The following ST3GAL3 variants were observed in gnomAD, a reference collection of about 807,000 sequenced individuals.
ST3GAL3 encodes the protein ST3 beta-galactoside alpha-2,3-sialyltransferase 3.
Under a neutral mutation model 50.1 loss-of-function variants are expected in ST3GAL3, and 21 were observed. That is an observed-to-expected ratio of 0.42 (90% CI 0.30 to 0.60). ST3GAL3 has a LOEUF of 0.60. ST3GAL3 is among the 20% of genes least tolerant of loss of function. The probability of loss-of-function intolerance (pLI) is 0.19; values close to 1 mark genes in which losing one functional copy is unlikely to be tolerated. For missense variants in ST3GAL3, 353 were observed against 489.4 expected, an observed-to-expected ratio of 0.72 and a Z score of 2.63; for synonymous variants, 183 against 190.0, an observed-to-expected ratio of 0.96 and a Z score of 0.30.
intron 11 of ST3GAL3, among the ~76,000 whole-genome samples, chr1:43,926,234 C>T (rs897472692): frequency 3.3e-5 from 5 of 152,160 alleles, no homozygotes; most frequent in Admixed American, 6.5e-5. Context: ...GTGAGAAGCG[C>T]GGCTCATCCT....
intron 4 of ST3GAL3, among the ~76,000 whole-genome samples, chr1:43,835,129 T>A (rs2064122596): frequency 1.3e-5 from 2 of 152,084 alleles, no homozygotes; most frequent in Non-Finnish European, 2.9e-5. Flanking sequence ...ATGCTAAATC[T>A]CCCAAAATGA....
At chr1:43,711,535 A>G (rs1664766555) in intron 1 of ST3GAL3, among the ~76,000 whole-genome samples, 1 of 152,246 alleles carries the variant, frequency 6.6e-6, no homozygotes, top group East Asian at 1.9e-4. Context: ...GGGGTATCAC[A>G]GCCCATTGAA....
chr1:43,789,507 T>G (rs1191620833), intron 2 of ST3GAL3, among the ~76,000 whole-genome samples: 1 of 152,138 alleles, frequency 6.6e-6, no homozygotes, highest in Non-Finnish European at 1.5e-5. Flanking sequence ...AATAAAGCTG[T>G]TTTTAAAAGC....
chr1:43,743,752 T>G (rs1682147362), intron 2 of ST3GAL3: 2 of 222,072 alleles, frequency 9.0e-6, no homozygotes, highest in Non-Finnish European at 1.8e-5. Context: ...ACTCCATTCT[T>G]ACAGAGCAAC....
chr1:43,729,247 G>A (rs948846706), intron 1 of ST3GAL3, among the ~76,000 whole-genome samples: 1 of 151,810 alleles, frequency 6.6e-6, no homozygotes, highest in Non-Finnish European at 1.5e-5. Context: ...CCACTACCAC[G>A]CCCAGCTATC....
In ST3GAL3 at chr1:43,899,457, C is replaced by A; in HGVS notation, c.558-84C>A. The A allele has an allele frequency of 6.3e-7, 1 of 1,593,306 alleles. No homozygotes were observed. Among genetic ancestry groups the A allele is most frequent in the East Asian group, 2.2e-5 (1 of 44,600 alleles). On this transcript the variant is annotated intron_variant, in intron 8 of 11. Transcript: ENST00000347631. The surrounding 1 kb of genome is among the most constrained non-coding windows in gnomAD (Gnocchi z 5.4). ...AATAGGTCCAGGTGACCTGGACTCC[C>A]TATTCTCCATGCCTGGGATAGTCTG...
At chr1:43,908,522 C>T (rs929769009) in intron 9 of ST3GAL3, among the ~76,000 whole-genome samples, 7 of 152,168 alleles carry the variant, frequency 4.6e-5, no homozygotes, top group Admixed American at 3.3e-4. Context: ...GGATGATTTG[C>T]GCAGGCTCAA....
chr1:43,722,680 T>G (rs1244908075), intron 1 of ST3GAL3, among the ~76,000 whole-genome samples: 1 of 152,112 alleles, frequency 6.6e-6, no homozygotes, highest in Non-Finnish European at 1.5e-5. Context: ...ACTTGATTGA[T>G]TATGTGTGCA....
At chr1:43,887,474 A>C (rs1034614407) in intron 5 of ST3GAL3, among the ~76,000 whole-genome samples, 9 of 152,190 alleles carry the variant, frequency 5.9e-5, no homozygotes. Flanking sequence ...AAAATAGAAC[A>C]TGAAGAAATT....
chr1:43,820,014 A>G (rs1239523316), intron 4 of ST3GAL3, among the ~76,000 whole-genome samples: 1 of 152,248 alleles, frequency 6.6e-6, no homozygotes, highest in African/African-American at 2.4e-5. Context: ...AGCAATTCTA[A>G]GCAAAAAGAA....
At chr1:43,784,065 C>T (rs989962743) in intron 2 of ST3GAL3, among the ~76,000 whole-genome samples, 1 of 152,032 alleles carries the variant, frequency 6.6e-6, no homozygotes, top group Non-Finnish European at 1.5e-5. Context: ...TTCCTGAAAC[C>T]ACACACCCCT....
chr1:43,727,291 CT>C (rs527921545), intron 1 of ST3GAL3: 2,159 of 144,892 alleles, frequency 0.015, 49 homozygotes, highest in African/African-American at 0.049. Flanking sequence ...GACCTGCTTC[CT>C]TTTTTTTTTT....
intron 9 of ST3GAL3, among the ~76,000 whole-genome samples, chr1:43,918,248 C>A (rs1251091759): frequency 1.3e-5 from 2 of 151,368 alleles, no homozygotes; most frequent in Non-Finnish European, 2.9e-5. Context: ...CCTCCGATGG[C>A]GTGAGACTAC....
chr1:43,824,589 G>A, intron 4 of ST3GAL3: 1 of 949,146 alleles, frequency 1.1e-6, no homozygotes, highest in South Asian at 1.4e-5. Flanking sequence ...TTCACAACAG[G>A]AGAGCATAGC....
intron 1 of ST3GAL3, among the ~76,000 whole-genome samples, chr1:43,731,649 G>A (rs141258718): frequency 0.013 from 1,913 of 150,092 alleles, 46 homozygotes; most frequent in African/African-American, 0.045. Context: ...CGCCCACCTC[G>A]GCCTCCCAAA....
chr1:43,753,286 T>C (rs1686869244), intron 2 of ST3GAL3, among the ~76,000 whole-genome samples: 1 of 152,278 alleles, frequency 6.6e-6, no homozygotes, highest in Admixed American at 6.5e-5. Flanking sequence ...AATGAAATAG[T>C]GGTATAGGGC....
chr1:43,925,800 T>C (rs777934373), intron 11 of ST3GAL3, among the ~76,000 whole-genome samples: 9 of 152,154 alleles, frequency 5.9e-5, no homozygotes, highest in Non-Finnish European at 1.0e-4. Context: ...AGGTGCCACA[T>C]CGTGGAGGCC....
At chr1:43,842,982 A>C (rs2065658165) in intron 5 of ST3GAL3, among the ~76,000 whole-genome samples, 1 of 152,098 alleles carries the variant, frequency 6.6e-6, no homozygotes, top group Non-Finnish European at 1.5e-5. Flanking sequence ...TTGATTTATG[A>C]CTTTGTGCCA....
intron 1 of ST3GAL3, among the ~76,000 whole-genome samples, chr1:43,711,098 C>G (rs574414343): frequency 6.6e-6 from 1 of 152,136 alleles, no homozygotes; most frequent in East Asian, 1.9e-4. Context: ...TGAGAGAATC[C>G]CTTACTGAGA....
Sources: allele counts gnomAD v4.1 joint callset (sites outside exome capture counted in the v4.1 genomes callset), GRCh38; gene constraint gnomAD v4.1.1; non-coding constraint Gnocchi (gnomAD v3.1); transcripts MANE v1.5; gene names NCBI Gene and HGNC (gene_info 2026-07-23, HGNC 2026-07-21).